ANKAR: variants seen among roughly 807,000 people sequenced by gnomAD.
ANKAR encodes ankyrin and armadillo repeat-containing protein.
A neutral mutation model predicts 146.2 loss-of-function variants in ANKAR; 136 were observed. The ratio of observed to expected loss-of-function variants is 0.93; its 90% CI spans 0.81 to 1.07. The LOEUF is 1.07. Among genes scored for constraint, ANKAR ranks in the 50% least tolerant of loss-of-function variants. The probability of loss-of-function intolerance (pLI) is 0.00; values close to 1 mark genes in which losing one functional copy is unlikely to be tolerated. For missense variants in ANKAR, 1,567 were observed against 1,679.9 expected (o/e 0.93, Z 1.18); for synonymous variants, 500 against 575.8 (o/e 0.87, Z 1.88).
intron 2 of ANKAR, among the ~76,000 whole-genome samples, chr2:189,684,380 G>T (rs1233881158): frequency 6.6e-6 from 1 of 152,016 alleles, no homozygotes; most frequent in African/African-American, 2.4e-5. Flanking sequence ...AAAATACTTT[G>T]TATTTTGAAT....
intron 12 of ANKAR, among the ~76,000 whole-genome samples, chr2:189,725,506 A>C (rs1444434860): frequency 6.6e-6 from 1 of 152,102 alleles, no homozygotes; most frequent in Non-Finnish European, 1.5e-5. Context: ...GAAAGTAATA[A>C]AATCCTTTTT....
chr2:189,689,873 A>T lies in ANKAR; in HGVS notation c.948A>T (p.Leu316=). 1.3e-6 allele frequency: 2 copies of T among 1,591,476 alleles called. No homozygotes were observed. The highest frequency in any genetic ancestry group is 1.7e-6 in the Non-Finnish European group (2 of 1,172,256). The change falls in exon 3 of 23, where the codon CTA becomes CTT. Residue 316 remains leucine (L), a synonymous_variant. Transcript: ENST00000684021. The stretch of plus-strand genomic sequence containing the variant: ...ATATCAGAAGAGGGATAGGATACCT[A>T]AAGTTAATATGTTTTCTGATTCCAT... ...KKDIRRGIGY[L]KLICFLIPFL...
At chr2:189,755,552 C>T (rs775557271) in intron 18 of ANKAR, 5 of 1,584,082 alleles carry the variant, frequency 3.2e-6, no homozygotes, top group Non-Finnish European at 4.3e-6. Context: ...AGGAACAATC[C>T]CACCTGTTCT....
At chr2:189,686,775 G>A (rs1308074465) in intron 2 of ANKAR, among the ~76,000 whole-genome samples, 2 of 152,058 alleles carry the variant, frequency 1.3e-5, no homozygotes, top group Non-Finnish European at 2.9e-5. Context: ...TATTGGCATT[G>A]TTAACTTAAG....
intron 5 of ANKAR, among the ~76,000 whole-genome samples, chr2:189,693,654 C>T (rs996810529): frequency 6.6e-6 from 1 of 152,110 alleles, no homozygotes; most frequent in African/African-American, 2.4e-5. Context: ...AGGACCAAGT[C>T]TGGAACTTTG....
At chr2:189,703,414 C>T (rs1225251931) in intron 7 of ANKAR, among the ~76,000 whole-genome samples, 2 of 152,072 alleles carry the variant, frequency 1.3e-5, no homozygotes, top group Non-Finnish European at 1.5e-5. Context: ...GCCAAAGAGT[C>T]TTCCAGATTT....
intron 10 of ANKAR, among the ~76,000 whole-genome samples, chr2:189,716,466 C>A (rs80174189): frequency 0.057 from 8,698 of 152,100 alleles, 349 homozygotes; most frequent in Non-Finnish European, 0.088. Flanking sequence ...AAGAACATTC[C>A]ATGCTCATGG....
intron 15 of ANKAR, 86 bp downstream of exon 15, chr2:189,728,907 C>T: frequency 7.7e-7 from 1 of 1,300,926 alleles, no homozygotes; most frequent in Non-Finnish European, 1.1e-6. Flanking sequence ...CTCTCTTCCT[C>T]TCTATCCCCA....
intron 5 of ANKAR, among the ~76,000 whole-genome samples, chr2:189,693,473 A>G (rs1034121681): frequency 3.3e-5 from 5 of 152,128 alleles, no homozygotes; most frequent in African/African-American, 1.2e-4. Context: ...TTTGTCTTTT[A>G]TGTGTTGTGG....
rs900614831 is a variant in ANKAR at position 189,689,676 on chromosome 2, A to G, written c.751A>G (p.Thr251Ala). The change falls in exon 3 of 23, where the codon ACC (threonine) becomes GCC (alanine). Residue 251 changes from threonine to alanine, a missense_variant. Physicochemically the swap from Thr to Ala is moderately conservative, Grantham distance 58. Coordinates refer to ENST00000684021, the MANE Select transcript of ANKAR (RefSeq NM_001378068.1). ...ENIMLKLTFS[T>A]TQIQQYENVF... is the part of the protein sequence containing the mutation. Reference sequence around the variant, plus strand: ...TATTATGCTAAAGTTAACATTCAGTACCACACAAATTCAACAGTATGAAAA... The same window carrying G: ...TATTATGCTAAAGTTAACATTCAGTGCCACACAAATTCAACAGTATGAAAA... 2 of 1,613,690 alleles carry G rather than the reference A, an allele frequency of 1.2e-6. No homozygotes were observed. Among genetic ancestry groups the G allele is most frequent in the Non-Finnish European group, 8.5e-7 (1 of 1,179,712 alleles).
intron 2 of ANKAR, among the ~76,000 whole-genome samples, chr2:189,679,263 T>C (rs2034258594): frequency 6.6e-6 from 1 of 152,314 alleles, no homozygotes; most frequent in African/African-American, 2.4e-5. Context: ...AGTCTCATCT[T>C]GTTTGTTGTT....
intron 16 of ANKAR, among the ~76,000 whole-genome samples, chr2:189,731,810 C>T (rs983884117): frequency 3.9e-5 from 6 of 152,262 alleles, no homozygotes; most frequent in East Asian, 3.9e-4. Context: ...CAGTGATCCT[C>T]CCACCTCAGC....
At chr2:189,718,740 A>G (rs890278712) in intron 10 of ANKAR, among the ~76,000 whole-genome samples, 2 of 117,468 alleles carry the variant, frequency 1.7e-5, no homozygotes, top group South Asian at 3.2e-4. Flanking sequence ...CAGATTTTCT[A>G]TTTTCTTTTT....
At chr2:189,676,152 ATAGG>A (rs957461352) in intron 1 of ANKAR, 3 of 222,664 alleles carry the variant, frequency 1.3e-5, no homozygotes, top group African/African-American at 6.9e-5. Flanking sequence ...CAACAACAAA[ATAGG>A]TATGTAACAG....
chr2:189,759,274 ACT>A, intron 18 of ANKAR, among the ~76,000 whole-genome samples: 1 of 149,700 alleles, frequency 6.7e-6, no homozygotes, highest in Admixed American at 6.6e-5. Context: ...TTTGAGACAG[ACT>A]CTCACTCTGT....
chr2:189,712,263 T>A (rs1392339091), intron 10 of ANKAR, among the ~76,000 whole-genome samples: 1 of 152,208 alleles, frequency 6.6e-6, no homozygotes, highest in Admixed American at 6.5e-5. Context: ...AGCATGGTGT[T>A]TGAGTTCTGA....
At position 189,693,165 on chromosome 2, in the gene ANKAR, T is replaced by C; in HGVS notation, c.1295T>C (p.Phe432Ser). ...KEYYSIPVME[F>S]HGKSYYVIYF... ...TATTACTCAATACCAGTCATGGAAT[T>C]TCATGGAAAAAGGTACGGAGCTTTC... The change falls in exon 5 of 23, where the codon TTT (phenylalanine) becomes TCT (serine). Residue 432 changes from phenylalanine to serine, a missense_variant. Physicochemically the swap from Phe to Ser is radical, Grantham distance 155. Coordinates refer to ENST00000684021, the MANE Select transcript of ANKAR (RefSeq NM_001378068.1). 1 of 1,555,138 alleles carries C rather than the reference T, an allele frequency of 6.4e-7. No individual in the cohort carries two copies. Among genetic ancestry groups the C allele is most frequent in the Admixed American group, 2.0e-5 (1 of 51,276 alleles).
intron 18 of ANKAR, among the ~76,000 whole-genome samples, chr2:189,752,070 G>T (rs2045347961): frequency 6.6e-6 from 1 of 151,890 alleles, no homozygotes; most frequent in Non-Finnish European, 1.5e-5. Flanking sequence ...CTTGAATATG[G>T]GAAGCAGAGG....
intron 18 of ANKAR, chr2:189,755,606 A>G: frequency 6.5e-7 from 1 of 1,545,046 alleles, no homozygotes; most frequent in Non-Finnish European, 8.7e-7. Context: ...GATTGTAAAA[A>G]TGAAGAAAAA....
Sources: allele counts gnomAD v4.1 joint callset (sites outside exome capture counted in the v4.1 genomes callset), GRCh38; gene constraint gnomAD v4.1.1; transcripts MANE v1.5; gene names NCBI Gene and HGNC (gene_info 2026-07-23, HGNC 2026-07-21).